Variants in ITGA9 observed in about 807,000 individuals in gnomAD.
ITGA9 encodes the protein integrin subunit alpha 9, also known as integrin alpha-9.
ITGA9 carries 56 observed loss-of-function variants against 127.8 expected under a neutral mutation model. That is an observed-to-expected ratio of 0.44 (90% CI 0.35 to 0.55). The LOEUF (loss-of-function observed/expected upper bound fraction) is 0.55, where lower values mean the gene tolerates loss of function less well. ITGA9 is among the 20% of genes least tolerant of loss of function. The pLI is 0.00. For synonymous variants in ITGA9, 508 were observed against 514.5 expected (o/e 0.99, Z 0.17); for missense variants, 1,196 against 1,347.1 (o/e 0.89, Z 1.76).
rs114066681 is a variant in ITGA9 at position 37,721,736 on chromosome 3, A to C, written c.2068-10976A>C. ...TGCCAGCCCATTGTCTGCATTTGGC[A>C]TCTGCGCTGGAGTCACTGTGTGCTC... On this transcript the variant is annotated intron_variant, in intron 18 of 27. Coordinates refer to ENST00000264741, the MANE Select transcript of ITGA9 (RefSeq NM_002207.3). Among the ~76,000 whole-genome samples the C allele has an allele frequency of 7.4e-3, 1,123 of 152,214 alleles. 12 individuals are homozygous for C. Among genetic ancestry groups the C allele is most frequent in the Middle Eastern group, 0.027 (8 of 294 alleles).
At chr3:37,562,972 G>T (rs780065788) in intron 15 of ITGA9, among the ~76,000 whole-genome samples, 1 of 132,050 alleles carries the variant, frequency 7.6e-6, no homozygotes, top group Non-Finnish European at 1.7e-5. Context: ...AATATTTTAA[G>T]ATGCTTGGCA....
Position 37,535,955 on chromosome 3 carries a change from G to T in ITGA9, c.1528+2487G>T, listed in dbSNP as rs182607736. Among the ~76,000 whole-genome samples the T allele has an allele frequency of 5.4e-3, 817 of 152,302 alleles. 1 individual carries two copies. Among genetic ancestry groups the T allele is most frequent in the Non-Finnish European group, 8.6e-3 (588 of 68,030 alleles). On this transcript the variant is annotated intron_variant, in intron 14 of 27. Coordinates refer to ENST00000264741, the MANE Select transcript of ITGA9 (RefSeq NM_002207.3). ...GGAGAGTTTGGGGAGGGAAAAATGG[G>T]CAGGCCTTATGGAAATGTGATAGGA...
chr3:37,663,638 A>G (rs1246070342), intron 17 of ITGA9, among the ~76,000 whole-genome samples: 1 of 152,226 alleles, frequency 6.6e-6, no homozygotes, highest in Non-Finnish European at 1.5e-5. Flanking sequence ...AAAGTGGCAG[A>G]ATGGTTAGAA....
chr3:37,744,150 TGTG>T, intron 22 of ITGA9, 116 bp downstream of exon 22: 1 of 761,808 alleles, frequency 1.3e-6, no homozygotes, highest in Non-Finnish European at 2.4e-6. Context: ...GGTTGGCTGG[TGTG>T]GTGTGTGTGT....
intron 20 of ITGA9, 48 bp from the exon 21 acceptor site, chr3:37,741,682 G>A (rs938947203): frequency 1.7e-5 from 24 of 1,449,576 alleles, no homozygotes; most frequent in African/African-American, 9.8e-5. Flanking sequence ...CCCACTGCTG[G>A]ACAGCTAGTG....
intron 18 of ITGA9, among the ~76,000 whole-genome samples, chr3:37,731,237 A>G (rs558994181): frequency 8.5e-5 from 13 of 152,226 alleles, no homozygotes; most frequent in African/African-American, 2.9e-4. Context: ...TTTATTTTTT[A>G]GACGGAGTCT....
chr3:37,475,092 T>C (rs1698479219), intron 3 of ITGA9, among the ~76,000 whole-genome samples: 1 of 152,242 alleles, frequency 6.6e-6, no homozygotes, highest in African/African-American at 2.4e-5. Context: ...CTTTCATCAC[T>C]GTCATGGCTG....
chr3:37,770,352 GA>G lies in ITGA9; in HGVS notation c.2542-7034del, dbSNP rs544230132. 2.6e-4 allele frequency among the ~76,000 whole-genome samples: 39 copies of G among 152,226 alleles called. No homozygotes were observed. In the South Asian group the frequency reaches 8.1e-3, roughly 32 times the overall value. ...TGATGTGCTTGGAGCATGACACTTAGAAAAAAGATCAGAGGACTTTTCTGCC... is the reference window on the plus strand; with the variant it reads ...TGATGTGCTTGGAGCATGACACTTAGAAAAAGATCAGAGGACTTTTCTGCC... On this transcript the variant is annotated intron_variant, in intron 23 of 27. Coordinates refer to ENST00000264741, the MANE Select transcript of ITGA9 (RefSeq NM_002207.3).
At chr3:37,726,320 A>AT (rs1440303005) in intron 18 of ITGA9, among the ~76,000 whole-genome samples, 4 of 152,252 alleles carry the variant, frequency 2.6e-5, no homozygotes, top group Non-Finnish European at 5.9e-5. Context: ...CACCAGGGTC[A>AT]TCTTCAGTTT....
chr3:37,684,318 A>C (rs1700761359), intron 18 of ITGA9, among the ~76,000 whole-genome samples: 1 of 152,154 alleles, frequency 6.6e-6, no homozygotes, highest in Non-Finnish European at 1.5e-5. Flanking sequence ...GAGATGATAC[A>C]GTTGCTGTCT....
At chr3:37,760,518 G>T (rs1456313156) in intron 23 of ITGA9, among the ~76,000 whole-genome samples, 1 of 152,076 alleles carries the variant, frequency 6.6e-6, no homozygotes, top group African/African-American at 2.4e-5. Context: ...AGAGAAAGAC[G>T]ATAGAGAAAA....
intron 8 of ITGA9, among the ~76,000 whole-genome samples, chr3:37,512,048 CTTTCTTTCTTTCTTTCTTTCT>C (rs1559524598): frequency 5.9e-4 from 23 of 39,066 alleles, no homozygotes; most frequent in East Asian, 1.5e-3. Context: ...TTCTTTCTTT[CTTTCTTTCTTTCTTTCTTTCT>C]TTCTTTCCTT....
chr3:37,632,553 T>C (rs1700238591), intron 16 of ITGA9, among the ~76,000 whole-genome samples: 1 of 152,166 alleles, frequency 6.6e-6, no homozygotes, highest in African/African-American at 2.4e-5. Flanking sequence ...AATAATAGAA[T>C]AGCATGTTTC....
chr3:37,777,846 C>G (rs1696926468), intron 24 of ITGA9, among the ~76,000 whole-genome samples: 1 of 152,184 alleles, frequency 6.6e-6, no homozygotes, highest in Non-Finnish European at 1.5e-5. Context: ...TCTACTAAAA[C>G]AAAACGTGTG....
At chr3:37,772,825 C>T (rs559349385) in intron 23 of ITGA9, among the ~76,000 whole-genome samples, 24 of 152,284 alleles carry the variant, frequency 1.6e-4, no homozygotes, top group Non-Finnish European at 2.9e-4. Flanking sequence ...GATTTTCATT[C>T]ACCGCAGACT....
chr3:37,783,145 A>G (rs961706975), intron 25 of ITGA9, among the ~76,000 whole-genome samples: 4 of 152,092 alleles, frequency 2.6e-5, no homozygotes, highest in Admixed American at 2.6e-4. Flanking sequence ...TCTCAAAAAA[A>G]AAAAATCACC....
At chr3:37,682,912 C>T (rs564818746) in intron 17 of ITGA9, among the ~76,000 whole-genome samples, 2 of 152,192 alleles carry the variant, frequency 1.3e-5, no homozygotes, top group Non-Finnish European at 2.9e-5. Context: ...CCTGGATTGT[C>T]ACAAGAGCCT....
At chr3:37,801,046 T>G (rs1469544743) in intron 26 of ITGA9, among the ~76,000 whole-genome samples, 1 of 152,160 alleles carries the variant, frequency 6.6e-6, no homozygotes, top group Non-Finnish European at 1.5e-5. Flanking sequence ...GCGCCTGTAA[T>G]CCCAGCTTCT....
At chr3:37,512,210 TTTCTTTCTTTC>T (rs1295292639) in intron 8 of ITGA9, among the ~76,000 whole-genome samples, 12 of 61,516 alleles carry the variant, frequency 2.0e-4, no homozygotes, top group Middle Eastern at 0.022. Flanking sequence ...TTTTCTTTTC[TTTCTTTCTTTC>T]TTCTTTCTTT....
Sources: allele counts gnomAD v4.1 joint callset (sites outside exome capture counted in the v4.1 genomes callset), GRCh38; gene constraint gnomAD v4.1.1; transcripts MANE v1.5; gene names NCBI Gene and HGNC (gene_info 2026-07-23, HGNC 2026-07-21).